Variants in PRKG2 observed in about 807,000 individuals in gnomAD.
PRKG2 encodes the protein protein kinase cGMP-dependent 2.
PRKG2 carries 33 observed loss-of-function variants against 97.2 expected under a neutral mutation model. The ratio of observed to expected loss-of-function variants is 0.34; its 90% CI spans 0.26 to 0.45. The LOEUF (loss-of-function observed/expected upper bound fraction) is 0.45, where lower values mean the gene tolerates loss of function less well. Ranked by LOEUF, PRKG2 falls within the 20% of genes least tolerant of loss-of-function variation. PRKG2 has a pLI of 1.00. For missense variants in PRKG2, 638 were observed against 900.0 expected (o/e 0.71, Z 3.73); for synonymous variants, 330 against 321.8 (o/e 1.03, Z -0.27).
intron 17 of PRKG2, among the ~76,000 whole-genome samples, chr4:81,094,302 C>T (rs1475044859): frequency 6.6e-6 from 1 of 151,736 alleles, no homozygotes; most frequent in Non-Finnish European, 1.5e-5. Context: ...CAGATACATA[C>T]AACTGTATTG....
chr4:81,151,910 A>C, intron 8 of PRKG2, 50 bp downstream of exon 8: 1 of 1,404,964 alleles, frequency 7.1e-7, no homozygotes, highest in Non-Finnish European at 1.0e-6. Flanking sequence ...TTATATAAAA[A>C]ATAGTCGAAG....
chr4:81,209,617 G>C (rs549752620), intron 1 of PRKG2, among the ~76,000 whole-genome samples: 77 of 152,210 alleles, frequency 5.1e-4, no homozygotes, highest in Middle Eastern at 3.4e-3. Flanking sequence ...GATTAAATGA[G>C]ATAAATCATG....
At chr4:81,183,513 T>G (rs954291486) in intron 2 of PRKG2, among the ~76,000 whole-genome samples, 7 of 152,152 alleles carry the variant, frequency 4.6e-5, no homozygotes, top group Non-Finnish European at 8.8e-5. Flanking sequence ...GAGATTCCCT[T>G]GGGTGCCTAT....
At chr4:81,216,321 C>A (rs1754270953), upstream of PRKG2, among the ~76,000 whole-genome samples, 1 of 151,446 alleles carries the variant, frequency 6.6e-6, no homozygotes. Context: ...ACACAAAGTA[C>A]CTTTTCATGA....
intron 2 of PRKG2, among the ~76,000 whole-genome samples, chr4:81,179,189 GCA>G (rs1751193856): frequency 6.6e-6 from 1 of 150,502 alleles, no homozygotes; most frequent in Non-Finnish European, 1.5e-5. Flanking sequence ...AAAATGTCAA[GCA>G]CAGACAAGAT....
chr4:81,181,921 T>C (rs1260425058), intron 2 of PRKG2, among the ~76,000 whole-genome samples: 1 of 151,772 alleles, frequency 6.6e-6, no homozygotes, highest in Non-Finnish European at 1.5e-5. Context: ...CTACCAAACC[T>C]GAGCCAAGAG....
chr4:81,201,543 G>A (rs866066938), intron 2 of PRKG2, among the ~76,000 whole-genome samples: 6 of 152,292 alleles, frequency 3.9e-5, no homozygotes, highest in Middle Eastern at 3.4e-3. Context: ...GACCATAAAA[G>A]TATATTTGAT....
At chr4:81,115,895 T>G (rs1322828996) in intron 14 of PRKG2, among the ~76,000 whole-genome samples, 1 of 152,258 alleles carries the variant, frequency 6.6e-6, no homozygotes, top group Non-Finnish European at 1.5e-5. Context: ...TAGCTCTAGA[T>G]ACATATTTCC....
intron 2 of PRKG2, among the ~76,000 whole-genome samples, chr4:81,181,419 T>A (rs1052777337): frequency 7.9e-5 from 12 of 151,596 alleles, no homozygotes; most frequent in African/African-American, 2.9e-4. Flanking sequence ...TGTCAAATTA[T>A]ATAATAAAAT....
In PRKG2 at chr4:81,114,514, T is replaced by C. The variant is rs112555593; in HGVS notation, c.1777-3903A>G. Among the ~76,000 whole-genome samples the C allele has an allele frequency of 4.8e-3, 727 of 152,286 alleles. 8 individuals are homozygous for C. Among genetic ancestry groups the C allele is most frequent in the African/African-American group, 0.017 (686 of 41,548 alleles). ...GAAGCAACAGCATGTGTTAAGCACATTGGTGAGAGAAACTTAACTGTCAAG... is the reference window on the plus strand; with the variant it reads ...GAAGCAACAGCATGTGTTAAGCACACTGGTGAGAGAAACTTAACTGTCAAG... On this transcript the variant is annotated intron_variant, in intron 14 of 18. Coordinates refer to ENST00000264399, the MANE Select transcript of PRKG2 (RefSeq NM_006259.3).
intron 2 of PRKG2, among the ~76,000 whole-genome samples, chr4:81,181,669 A>C (rs922113980): frequency 9.2e-5 from 14 of 151,870 alleles, no homozygotes. Context: ...AATTACTATT[A>C]CTAGAAATAA....
At chr4:81,153,125 G>A (rs1422707490) in intron 7 of PRKG2, among the ~76,000 whole-genome samples, 2 of 152,146 alleles carry the variant, frequency 1.3e-5, no homozygotes, top group East Asian at 3.9e-4. Context: ...AAGACTTATT[G>A]TACATGTTAG....
chr4:81,217,658 C>T (rs1560637467), upstream of PRKG2, among the ~76,000 whole-genome samples: 1 of 152,010 alleles, frequency 6.6e-6, no homozygotes. Flanking sequence ...GTGAGAGAAA[C>T]AGACATTAAA....
intron 2 of PRKG2, among the ~76,000 whole-genome samples, chr4:81,177,443 C>T (rs1011390315): frequency 2.6e-5 from 4 of 152,130 alleles, no homozygotes; most frequent in African/African-American, 4.8e-5. Context: ...CGGTGGCTCA[C>T]GCCTGTAATC....
At chr4:81,190,674 T>A (rs1241078081) in intron 2 of PRKG2, among the ~76,000 whole-genome samples, 1 of 152,114 alleles carries the variant, frequency 6.6e-6, no homozygotes, top group Admixed American at 6.6e-5. Flanking sequence ...GAGAAAAAGT[T>A]TGCAATCTTT....
chr4:81,101,397 T>A (rs1742752193), intron 17 of PRKG2, among the ~76,000 whole-genome samples: 2 of 152,134 alleles, frequency 1.3e-5, no homozygotes, highest in Admixed American at 6.6e-5. Context: ...TAAAAAATGA[T>A]GAGTTCATGT....
At chr4:81,124,351 T>A (rs1745349620) in intron 14 of PRKG2, among the ~76,000 whole-genome samples, 1 of 152,228 alleles carries the variant, frequency 6.6e-6, no homozygotes, top group Non-Finnish European at 1.5e-5. Flanking sequence ...TGTTTGTTTT[T>A]GTTTTGTACT....
chr4:81,137,052 C>A lies in PRKG2; in HGVS notation c.1634+341G>T, dbSNP rs189439103. Among the ~76,000 whole-genome samples, 436 of 152,140 alleles carry A rather than the reference C, an allele frequency of 2.9e-3. 1 individual carries two copies. Among genetic ancestry groups the A allele is most frequent in the Middle Eastern group, 6.8e-3 (2 of 294 alleles). On this transcript the variant is annotated intron_variant, in intron 13 of 18. Coordinates refer to ENST00000264399, the MANE Select transcript of PRKG2 (RefSeq NM_006259.3). Reference sequence around the variant, plus strand: ...CAGTGAGGGCTTACCCACTCCCCACCCCCACCTTTGTTTATCACACTGCTT... The same window carrying A: ...CAGTGAGGGCTTACCCACTCCCCACACCCACCTTTGTTTATCACACTGCTT...
At chr4:81,128,536 G>C (rs951572513) in intron 14 of PRKG2, among the ~76,000 whole-genome samples, 1 of 152,040 alleles carries the variant, frequency 6.6e-6, no homozygotes, top group Non-Finnish European at 1.5e-5. Flanking sequence ...TCAGGGATTC[G>C]ACTTCTTCCC....
Sources: gnomAD v4.1 joint callset for allele counts (sites outside exome capture counted in the v4.1 genomes callset) on GRCh38, gnomAD v4.1.1 for gene constraint, MANE v1.5 for transcripts, NCBI Gene and HGNC (gene_info 2026-07-23, HGNC 2026-07-21) for gene names.